The following AKT3 variants were observed in gnomAD, a reference collection of about 807,000 sequenced individuals.
The protein encoded by AKT3 is RAC-gamma serine/threonine-protein kinase.
A neutral mutation model predicts 65.3 loss-of-function variants in AKT3; 15 were observed. The observed-to-expected ratio is 0.23, with a 90% CI of 0.15 to 0.35. The LOEUF (loss-of-function observed/expected upper bound fraction) is 0.35. Ranked by LOEUF, AKT3 falls within the 10% of genes least tolerant of loss-of-function variation. The pLI, the probability that AKT3 is intolerant of heterozygous loss-of-function variation, is 1.00. For missense variants in AKT3, 243 were observed against 576.5 expected (o/e 0.42, Z 5.92); for synonymous variants, 206 against 183.8 (o/e 1.12, Z -0.98).
chr1:243,681,875 G>A (rs969462306), intron 3 of AKT3, among the ~76,000 whole-genome samples: 1 of 151,862 alleles, frequency 6.6e-6, no homozygotes, highest in Non-Finnish European at 1.5e-5. Flanking sequence ...ATGACAAAAT[G>A]CAATTACACA....
At chr1:243,815,820 T>C (rs1201065875) in intron 2 of AKT3, among the ~76,000 whole-genome samples, 1 of 101,962 alleles carries the variant, frequency 9.8e-6, no homozygotes, top group Non-Finnish European at 2.4e-5. Context: ...TTTCACCATC[T>C]TGCCCAGGCT....
At chr1:243,677,536 A>G (rs1683604975) in intron 3 of AKT3, among the ~76,000 whole-genome samples, 1 of 151,990 alleles carries the variant, frequency 6.6e-6, no homozygotes. Context: ...GAAAAAATAT[A>G]TTTTTCAAAA....
Position 243,665,582 on chromosome 1 carries a change from G to A in AKT3, c.173-699C>T, listed in dbSNP as rs148006673. Among the ~76,000 whole-genome samples the A allele has an allele frequency of 1.1e-3, 169 of 152,248 alleles. 1 individual carries two copies. The highest frequency in any genetic ancestry group is 3.7e-3 in the African/African-American group (155 of 41,550). On this transcript the variant is annotated intron_variant, in intron 3 of 13. Transcript: ENST00000673466. Reference sequence around the variant, plus strand: ...TATGGATTCTCTGACACTGGTGTGCGTAGATTCAATTATTTTTTCGTACCA... The same window carrying A: ...TATGGATTCTCTGACACTGGTGTGCATAGATTCAATTATTTTTTCGTACCA...
At chr1:243,779,775 T>C (rs1234944249) in intron 2 of AKT3, among the ~76,000 whole-genome samples, 1 of 152,046 alleles carries the variant, frequency 6.6e-6, no homozygotes, top group Non-Finnish European at 1.5e-5. Context: ...GGTAGGAAAG[T>C]ATATGACGAG....
chr1:243,703,968 T>G (rs2148052990), intron 2 of AKT3, among the ~76,000 whole-genome samples: 1 of 152,334 alleles, frequency 6.6e-6, no homozygotes, highest in East Asian at 1.9e-4. Context: ...TTTTAGGTTA[T>G]CATTTATCTT....
At chr1:243,824,768 G>C (rs1694067886) in intron 2 of AKT3, among the ~76,000 whole-genome samples, 1 of 152,174 alleles carries the variant, frequency 6.6e-6, no homozygotes, top group South Asian at 2.1e-4. Flanking sequence ...ATGCTAGTGA[G>C]GCTGTGGAGA....
chr1:243,620,772 G>A (rs879862568), intron 6 of AKT3, among the ~76,000 whole-genome samples: 10 of 152,044 alleles, frequency 6.6e-5, no homozygotes, highest in Non-Finnish European at 1.3e-4. Context: ...CCTTTCTCGA[G>A]TATTGTGTTT....
At chr1:243,603,850 A>G (rs927598616) in intron 8 of AKT3, among the ~76,000 whole-genome samples, 1 of 151,090 alleles carries the variant, frequency 6.6e-6, no homozygotes, top group African/African-American at 2.4e-5. Flanking sequence ...ATAACTAAAT[A>G]TTACTAGAAT....
chr1:243,599,331 T>C (rs1676847516), intron 8 of AKT3, among the ~76,000 whole-genome samples: 1 of 152,148 alleles, frequency 6.6e-6, no homozygotes, highest in Non-Finnish European at 1.5e-5. Flanking sequence ...ATAAAACATT[T>C]TTTCTATTAA....
At chr1:243,704,778 C>T (rs530602226) in intron 2 of AKT3, among the ~76,000 whole-genome samples, 13 of 152,222 alleles carry the variant, frequency 8.5e-5, no homozygotes, top group African/African-American at 2.6e-4. Context: ...ATAAATAACA[C>T]ATCTTTACGT....
intron 2 of AKT3, among the ~76,000 whole-genome samples, chr1:243,757,813 T>C (rs1689234730): frequency 1.3e-5 from 2 of 151,590 alleles, no homozygotes; most frequent in South Asian, 2.1e-4. Flanking sequence ...CAGGCTGAAG[T>C]ATAGTGGCGC....
chr1:243,533,856 G>C lies in AKT3; in HGVS notation c.1251+11654C>G, dbSNP rs183489321. Among the ~76,000 whole-genome samples, 476 of 152,236 alleles carry C rather than the reference G, an allele frequency of 3.1e-3. 2 individuals carry two copies. Among genetic ancestry groups the C allele is most frequent in the African/African-American group, 0.011 (445 of 41,566 alleles). On this transcript the variant is annotated intron_variant, in intron 12 of 13. Transcript: ENST00000673466. Reference sequence around the variant, plus strand: ...ATACAAAAAATTAGCCGGGCGTGGTGGTGGGCGCCTGTAGTCCCAGCTACT... The same window carrying C: ...ATACAAAAAATTAGCCGGGCGTGGTCGTGGGCGCCTGTAGTCCCAGCTACT...
chr1:243,542,485 T>C (rs1218731287), intron 12 of AKT3, among the ~76,000 whole-genome samples: 2 of 152,184 alleles, frequency 1.3e-5, no homozygotes, highest in Admixed American at 1.3e-4. Flanking sequence ...AGATGTGCCA[T>C]CACCTCTCGA....
intron 2 of AKT3, among the ~76,000 whole-genome samples, chr1:243,838,918 T>C (rs1378236252): frequency 6.6e-6 from 1 of 152,144 alleles, no homozygotes; most frequent in Non-Finnish European, 1.5e-5. Flanking sequence ...AAAAGTAGAA[T>C]AAAGTAACAC....
chr1:243,744,751 A>G (rs1688377441), intron 2 of AKT3, among the ~76,000 whole-genome samples: 1 of 151,378 alleles, frequency 6.6e-6, no homozygotes, highest in Admixed American at 6.6e-5. Flanking sequence ...AAAAAAAAAA[A>G]AAAAAAAAAT....
chr1:243,738,189 G>C (rs972966373), intron 2 of AKT3, among the ~76,000 whole-genome samples: 2 of 152,254 alleles, frequency 1.3e-5, no homozygotes, highest in African/African-American at 4.8e-5. Flanking sequence ...CTGACAACTG[G>C]GTTCCTTTGC....
At chr1:243,686,649 A>ATATATATATATAT (rs1684332592) in intron 3 of AKT3, among the ~76,000 whole-genome samples, 1 of 22,496 alleles carries the variant, frequency 4.4e-5, no homozygotes, top group Non-Finnish European at 9.5e-5. Flanking sequence ...ATATATATAT[A>ATATATATATATAT]TATTTTTTTT....
chr1:243,818,914 A>C (rs574572654), intron 2 of AKT3, among the ~76,000 whole-genome samples: 3 of 152,180 alleles, frequency 2.0e-5, no homozygotes, highest in Non-Finnish European at 4.4e-5. Flanking sequence ...TGGGAGCCAC[A>C]ATGGAGAAAG....
chr1:243,741,244 T>C (rs1285274228), intron 2 of AKT3, among the ~76,000 whole-genome samples: 1 of 152,304 alleles, frequency 6.6e-6, no homozygotes, highest in African/African-American at 2.4e-5. Context: ...TTAGTCTTTG[T>C]TGATTTTTGT....
Sources: allele counts gnomAD v4.1 joint callset (sites outside exome capture counted in the v4.1 genomes callset), GRCh38; gene constraint gnomAD v4.1.1; transcripts MANE v1.5; gene names NCBI Gene and HGNC (gene_info 2026-07-23, HGNC 2026-07-21).